The following CRPPA variants were observed in gnomAD, a reference collection of about 807,000 sequenced individuals.
CRPPA encodes D-ribitol-5-phosphate cytidylyltransferase.
A neutral mutation model predicts 52.0 loss-of-function variants in CRPPA; 43 were observed. That is an observed-to-expected ratio of 0.83 (90% CI 0.65 to 1.07). The LOEUF is 1.07. CRPPA is among the 50% of genes least tolerant of loss of function. CRPPA has a pLI of 0.00. For synonymous variants in CRPPA, 250 were observed against 203.5 expected (o/e 1.23, Z -1.94); for missense variants, 629 against 551.7 (o/e 1.14, Z -1.40).
chr7:16,117,693 A>C (rs985753253), intron 9 of CRPPA, among the ~76,000 whole-genome samples: 5 of 152,192 alleles, frequency 3.3e-5, no homozygotes, highest in African/African-American at 1.2e-4. Flanking sequence ...GTACAATCCA[A>C]AGAGGAATCC....
intron 2 of CRPPA, among the ~76,000 whole-genome samples, chr7:16,401,525 T>C (rs17169466): frequency 6.6e-6 from 1 of 152,156 alleles, no homozygotes; most frequent in African/African-American, 2.4e-5. Context: ...GATATACCAG[T>C]AACTTAGAAA....
chr7:16,117,569 T>C (rs959806067), intron 9 of CRPPA, among the ~76,000 whole-genome samples: 2 of 152,152 alleles, frequency 1.3e-5, no homozygotes, highest in African/African-American at 2.4e-5. Flanking sequence ...TGCACACACC[T>C]TGCGGGAGCT....
chr7:16,407,852 A>G (rs529083437), intron 1 of CRPPA, among the ~76,000 whole-genome samples: 1 of 152,266 alleles, frequency 6.6e-6, no homozygotes. Flanking sequence ...CATGCCTGTA[A>G]TCCCAGCACT....
rs548077533 is a variant in CRPPA, at chr7:16,121,607, A to C, written c.1252-29808T>G. ...AATATTGATGGAGGAATAAAAAAAG[A>C]CTTCGTAAAACAGATGTAATGGACA... is the stretch of plus-strand genomic sequence containing the variant. On this transcript the variant is annotated intron_variant, in intron 9 of 9. Transcript: ENST00000407010. 3.0e-4 allele frequency among the ~76,000 whole-genome samples: 46 copies of C among 152,084 alleles called. 2 individuals are homozygous for C. The highest frequency in any genetic ancestry group is 3.0e-3 in the Admixed American group (46 of 15,266).
intron 6 of CRPPA, among the ~76,000 whole-genome samples, chr7:16,273,215 G>A (rs932815217): frequency 6.0e-5 from 9 of 151,110 alleles, no homozygotes; most frequent in African/African-American, 2.2e-4. Flanking sequence ...AGTCCCTGGT[G>A]AGGGCCACAC....
chr7:16,214,547 G>T (rs933134756), intron 9 of CRPPA, among the ~76,000 whole-genome samples: 1 of 152,008 alleles, frequency 6.6e-6, no homozygotes, highest in Non-Finnish European at 1.5e-5. Flanking sequence ...TCCCAGACTG[G>T]TGTGCAGGGG....
chr7:16,385,834 A>T (rs1311652487), intron 2 of CRPPA, among the ~76,000 whole-genome samples: 1 of 152,226 alleles, frequency 6.6e-6, no homozygotes, highest in East Asian at 1.9e-4. Flanking sequence ...GCTGCCATAC[A>T]CTCAAACCCC....
chr7:16,215,951 CT>C, intron 9 of CRPPA, 114 bp downstream of exon 9: 2 of 838,592 alleles, frequency 2.4e-6, no homozygotes, highest in Non-Finnish European at 3.6e-6. Flanking sequence ...AGATGAGTAA[CT>C]TTCCAGCTGT....
At chr7:16,342,535 G>T (rs1174980914) in intron 3 of CRPPA, among the ~76,000 whole-genome samples, 1 of 151,656 alleles carries the variant, frequency 6.6e-6, no homozygotes, top group Non-Finnish European at 1.5e-5. Flanking sequence ...AATGGATGTG[G>T]CATGTAAAAG....
In CRPPA at chr7:16,397,531, CACA is replaced by C. The variant is rs202008843; in HGVS notation, c.534+8527_534+8529del. Among the ~76,000 whole-genome samples, 1,021 of 150,816 alleles carry C rather than the reference CACA, an allele frequency of 6.8e-3. 10 individuals carry two copies. The highest frequency in any genetic ancestry group is 0.019 in the African/African-American group (753 of 40,204). The stretch of plus-strand genomic sequence containing the variant: ...ACATGTGAACATGTGACATGATCAA[CACA>C]ACATGTGATTGACGAAATGTGATGT... On this transcript the variant is annotated intron_variant, in intron 2 of 9. Coordinates refer to ENST00000407010, the MANE Select transcript of CRPPA (RefSeq NM_001101426.4).
intron 9 of CRPPA, among the ~76,000 whole-genome samples, chr7:16,208,665 T>C (rs1043892736): frequency 6.6e-6 from 1 of 152,148 alleles, no homozygotes; most frequent in Non-Finnish European, 1.5e-5. Context: ...AAGGCTATCT[T>C]TGGCTAATTC....
intron 3 of CRPPA, among the ~76,000 whole-genome samples, chr7:16,334,981 T>C (rs970876673): frequency 2.6e-5 from 4 of 151,468 alleles, no homozygotes; most frequent in Admixed American, 6.6e-5. Flanking sequence ...CCCAAAGAAA[T>C]GGAGATGTGT....
chr7:16,161,503 T>G (rs1471549043), intron 9 of CRPPA, among the ~76,000 whole-genome samples: 1 of 152,232 alleles, frequency 6.6e-6, no homozygotes, highest in Non-Finnish European at 1.5e-5. Flanking sequence ...TTTGCATATA[T>G]TGAATCAGCT....
At chr7:16,192,181 C>T (rs1452971243) in intron 9 of CRPPA, among the ~76,000 whole-genome samples, 2 of 151,868 alleles carry the variant, frequency 1.3e-5, no homozygotes, top group Non-Finnish European at 2.9e-5. Context: ...TGGGATGGTG[C>T]GGGTGATAAG....
chr7:16,195,842 G>A (rs569286080), intron 9 of CRPPA, among the ~76,000 whole-genome samples: 12 of 152,044 alleles, frequency 7.9e-5, no homozygotes, highest in South Asian at 2.1e-4. Flanking sequence ...AAAGACTGTC[G>A]TGTTTTCCAA....
intron 3 of CRPPA, among the ~76,000 whole-genome samples, chr7:16,368,818 TC>T (rs1332309734): frequency 6.6e-6 from 1 of 152,160 alleles, no homozygotes; most frequent in Non-Finnish European, 1.5e-5. Context: ...TACACACGGA[TC>T]TTTGCCCATA....
At chr7:16,241,501 G>A (rs757180913) in intron 8 of CRPPA, among the ~76,000 whole-genome samples, 28 of 152,088 alleles carry the variant, frequency 1.8e-4, no homozygotes, top group Admixed American at 9.8e-4. Context: ...TGGAAAATGC[G>A]ATTAACTATT....
intron 8 of CRPPA, among the ~76,000 whole-genome samples, chr7:16,240,296 G>A (rs1023843008): frequency 4.6e-5 from 7 of 151,144 alleles, no homozygotes; most frequent in African/African-American, 1.5e-4. Context: ...AAATACCTGA[G>A]ACTTACTACA....
At chr7:16,154,423 T>G (rs997549249) in intron 9 of CRPPA, among the ~76,000 whole-genome samples, 1 of 152,052 alleles carries the variant, frequency 6.6e-6, no homozygotes, top group African/African-American at 2.4e-5. Flanking sequence ...CAACTCCCAC[T>G]TATGAGGAAC....
Sources: gnomAD v4.1 joint callset for allele counts (sites outside exome capture counted in the v4.1 genomes callset) on GRCh38, gnomAD v4.1.1 for gene constraint, MANE v1.5 for transcripts, NCBI Gene and HGNC (gene_info 2026-07-23, HGNC 2026-07-21) for gene names.